Variants in NBPF11 observed in about 807,000 individuals in gnomAD.
NBPF11 encodes NBPF family member NBPF11.
Under a neutral mutation model 93.9 loss-of-function variants are expected in NBPF11, and 72 were observed. The observed-to-expected ratio is 0.77, with a 90% CI of 0.63 to 0.93. The LOEUF is 0.93. NBPF11 is among the 40% of genes least tolerant of loss of function. The pLI, the probability that NBPF11 is intolerant of heterozygous loss-of-function variation, is 0.00. For synonymous variants in NBPF11, 224 were observed against 304.9 expected (o/e 0.73, Z 2.76); for missense variants, 705 against 802.2 (o/e 0.88, Z 1.46).
At chr1:148,146,551 T>A in intron 1 of NBPF11, 3 of 1,604,932 alleles carry the variant, frequency 1.9e-6, no homozygotes, top group Non-Finnish European at 2.5e-6. Context: ...GGCCGCCCCC[T>A]TGGGGACCCT....
At chr1:148,125,582 G>A (rs1668924357) in intron 5 of NBPF11, among the ~76,000 whole-genome samples, 2 of 151,990 alleles carry the variant, frequency 1.3e-5, no homozygotes, top group African/African-American at 2.4e-5. Flanking sequence ...AGTATGAGAG[G>A]CAGCATTAAG....
chr1:148,103,838 G>C lies in NBPF11; in HGVS notation c.*58C>G. The C allele has an allele frequency of 6.2e-7, 1 of 1,611,458 alleles. No homozygotes were observed. Among genetic ancestry groups the C allele is most frequent in the Non-Finnish European group, 8.5e-7 (1 of 1,179,418 alleles). ...GTCAGGTAGTTCAAAGTACATTGAT[G>C]GAGTCGAATAATATCTATCCAGTGA... On this transcript the variant is annotated 3_prime_UTR_variant, in exon 24 of 24. Coordinates refer to ENST00000682118, the MANE Select transcript of NBPF11 (RefSeq NM_001385469.3).
At chr1:148,110,788 A>G (rs1287540773) in intron 15 of NBPF11, among the ~76,000 whole-genome samples, 39 of 148,952 alleles carry the variant, frequency 2.6e-4, no homozygotes, top group East Asian at 8.0e-4. Context: ...CAGGGCACCC[A>G]GACTCTCCCT....
At chr1:148,133,716 T>A (rs1275167035) in intron 4 of NBPF11, among the ~76,000 whole-genome samples, 1 of 150,528 alleles carries the variant, frequency 6.6e-6, no homozygotes, top group East Asian at 1.9e-4. Context: ...GGCGGGCGGA[T>A]CACACTTGTG....
chr1:148,142,523 T>C (rs1415550487), intron 2 of NBPF11, among the ~76,000 whole-genome samples: 2 of 151,742 alleles, frequency 1.3e-5, no homozygotes, highest in Non-Finnish European at 2.9e-5. Flanking sequence ...CCTCAGCCCC[T>C]GGGTCTGACA....
intron 4 of NBPF11, among the ~76,000 whole-genome samples, chr1:148,133,472 G>A (rs1177543349): frequency 6.6e-6 from 1 of 152,038 alleles, no homozygotes; most frequent in Non-Finnish European, 1.5e-5. Context: ...TGCCCTTAAT[G>A]GGGTTGGAAG....
At chr1:148,121,367 A>ATTTTTTTTTTTTTT in intron 9 of NBPF11, among the ~76,000 whole-genome samples, 1 of 97,340 alleles carries the variant, frequency 1.0e-5, no homozygotes, top group African/African-American at 4.2e-5. Context: ...TTTTTTTTTG[A>ATTTTTTTTTTTTTT]GATGCAGTCT....
At chr1:148,108,326 C>T (rs1353661957) in intron 18 of NBPF11, among the ~76,000 whole-genome samples, 156 bp downstream of exon 18, 4 of 151,180 alleles carry the variant, frequency 2.6e-5, no homozygotes, top group Middle Eastern at 3.4e-3. Context: ...TCTGGGCTTC[C>T]AAGTGGAACT....
Position 148,110,414 on chromosome 1 carries a change from CTAA to C in NBPF11, c.1762_1764del (p.Leu588del). 2 of 1,593,746 alleles carry C rather than the reference CTAA, an allele frequency of 1.3e-6. No individual in the cohort carries two copies. Among genetic ancestry groups the C allele is most frequent in the Non-Finnish European group, 1.7e-6 (2 of 1,165,236 alleles). On this transcript the variant is annotated inframe_deletion, in exon 16 of 24. Transcript: ENST00000682118. The stretch of plus-strand genomic sequence containing the variant: ...ACAGCCATGCAGACTTGCTGTTCCT[CTAA>C]TGAGTGAAATGTGCTGCTGTAAGAC...
chr1:148,134,928 T>A (rs1671030290), intron 4 of NBPF11, among the ~76,000 whole-genome samples: 1 of 151,906 alleles, frequency 6.6e-6, no homozygotes, highest in Non-Finnish European at 1.5e-5. Flanking sequence ...CATGCTTTGC[T>A]TCTGCAAGAT....
At chr1:148,112,642 GATTTA>G (rs1396630533) in intron 15 of NBPF11, among the ~76,000 whole-genome samples, 1 of 143,626 alleles carries the variant, frequency 7.0e-6, no homozygotes, top group Non-Finnish European at 1.5e-5. Context: ...ACAGCAGCAT[GATTTA>G]TAATCCTTTG....
At chr1:148,147,425 A>T (rs1403291144) in intron 1 of NBPF11, among the ~76,000 whole-genome samples, 1 of 151,976 alleles carries the variant, frequency 6.6e-6, no homozygotes, top group Non-Finnish European at 1.5e-5. Context: ...CACACATCCG[A>T]GGTCTGGGCC....
chr1:148,122,627 G>T lies in NBPF11; in HGVS notation c.566+102C>A, dbSNP rs1407667521. The T allele has an allele frequency of 5.9e-6, 9 of 1,523,672 alleles. No homozygotes were observed. The African/African-American group carries it at 8.3e-5, about 14-fold the overall frequency. 94.4% of individuals were successfully genotyped at this position (1,523,672 alleles called of 1,614,324 possible). ...TGAATTTCACATACTGTGGCCAAGG[G>T]AATGCGGGCTTTTGGCCCATCATAG... is the stretch of plus-strand genomic sequence containing the variant. On this transcript the variant is annotated intron_variant, in intron 8 of 23. Coordinates refer to ENST00000682118, the MANE Select transcript of NBPF11 (RefSeq NM_001385469.3).
At chr1:148,134,797 C>T (rs1371860583) in intron 4 of NBPF11, among the ~76,000 whole-genome samples, 9 of 151,848 alleles carry the variant, frequency 5.9e-5, no homozygotes, top group Admixed American at 1.3e-4. Flanking sequence ...GGCTGAGGGA[C>T]GATGCAAGAG....
At chr1:148,108,046 A>C (rs1664190455) in intron 18 of NBPF11, among the ~76,000 whole-genome samples, 1 of 150,560 alleles carries the variant, frequency 6.6e-6, no homozygotes. Context: ...AATCGATTTA[A>C]AGCAAATGCC....
At chr1:148,141,089 T>C (rs1456664172) in intron 2 of NBPF11, among the ~76,000 whole-genome samples, 2 of 151,896 alleles carry the variant, frequency 1.3e-5, no homozygotes, top group Non-Finnish European at 2.9e-5. Flanking sequence ...TAGGACATTC[T>C]TGGAAAGTCA....
At chr1:148,120,922 T>C (rs2149230192) in intron 9 of NBPF11, among the ~76,000 whole-genome samples, 1 of 152,208 alleles carries the variant, frequency 6.6e-6, no homozygotes, top group East Asian at 1.9e-4. Context: ...TAAACACTTC[T>C]ACACTTGCTT....
In NBPF11 at chr1:148,103,488, T is replaced by C. The variant is rs1662765390; in HGVS notation, c.*408A>G. 1.8e-6 allele frequency: 2 copies of C among 1,083,022 alleles called. No individual in the cohort carries two copies. Among genetic ancestry groups the C allele is most frequent in the Non-Finnish European group, 2.7e-6 (2 of 751,830 alleles). 67.1% of individuals were successfully genotyped at this position (1,083,022 alleles called of 1,614,324 possible). A position where few individuals can be genotyped will look rare whatever the true frequency, so the allele number is the denominator to read the frequency against. ...GTGAACGTGTCACACCTAACGTGGG[T>C]CCATTGTCTTCAGACTGAGCACAGG... is the stretch of plus-strand genomic sequence containing the variant. On this transcript the variant is annotated 3_prime_UTR_variant, in exon 24 of 24. Transcript: ENST00000682118.
chr1:148,103,486 G>C lies in NBPF11; in HGVS notation c.*410C>G, dbSNP rs1662764591. Reference sequence around the variant, plus strand: ...ATGTGAACGTGTCACACCTAACGTGGGTCCATTGTCTTCAGACTGAGCACA... The same window carrying C: ...ATGTGAACGTGTCACACCTAACGTGCGTCCATTGTCTTCAGACTGAGCACA... On this transcript the variant is annotated 3_prime_UTR_variant, in exon 24 of 24. Transcript: ENST00000682118. 1 of 1,044,806 alleles carries C rather than the reference G, an allele frequency of 9.6e-7. No individual in the cohort carries two copies. Among genetic ancestry groups the C allele is most frequent in the South Asian group, 1.6e-5 (1 of 64,500 alleles). 64.7% of individuals were successfully genotyped at this position (1,044,806 alleles called of 1,614,324 possible). A position where few individuals can be genotyped will look rare whatever the true frequency, so the allele number is the denominator to read the frequency against.
Sources: gnomAD v4.1 joint callset for allele counts (sites outside exome capture counted in the v4.1 genomes callset) on GRCh38, gnomAD v4.1.1 for gene constraint, MANE v1.5 for transcripts, NCBI Gene and HGNC (gene_info 2026-07-23, HGNC 2026-07-21) for gene names.